ZCCHC17: variants seen among roughly 807,000 people sequenced by gnomAD.
ZCCHC17 encodes the protein zinc finger CCHC domain-containing protein 17.
A neutral mutation model predicts 30.6 loss-of-function variants in ZCCHC17; 18 were observed. The observed-to-expected ratio is 0.59, with a 90% confidence interval of 0.41 to 0.87. The LOEUF (loss-of-function observed/expected upper bound fraction) is 0.87, where lower values mean the gene tolerates loss of function less well. ZCCHC17 is among the 40% of genes least tolerant of loss of function. ZCCHC17 has a pLI of 0.00. For synonymous variants in ZCCHC17, 88 were observed against 92.4 expected, an observed-to-expected ratio of 0.95 and a Z score of 0.27; for missense variants, 263 against 284.2, an observed-to-expected ratio of 0.93 and a Z score of 0.54.
rs139563831 is a variant in ZCCHC17, at chr1:31,336,064, A to G, written c.125-1111A>G. 1.3e-3 allele frequency among the ~76,000 whole-genome samples: 198 copies of G among 151,940 alleles called. 1 individual carries two copies. Among genetic ancestry groups the G allele is most frequent in the African/African-American group, 4.6e-3 (191 of 41,436 alleles). On this transcript the variant is annotated intron_variant, in intron 3 of 7. Transcript: ENST00000344147. The stretch of plus-strand genomic sequence containing the variant: ...CCGCAAGTTATTTATGTATTTATGT[A>G]TGTATGTATGTATTTATTTATTTGT...
chr1:31,326,079 A>G (rs1399189605), intron 3 of ZCCHC17, among the ~76,000 whole-genome samples: 1 of 152,096 alleles, frequency 6.6e-6, no homozygotes, highest in Non-Finnish European at 1.5e-5. Flanking sequence ...TTTGTATAGC[A>G]TCTCTCTTCC....
chr1:31,343,409 T>A (rs1293235544), intron 5 of ZCCHC17, among the ~76,000 whole-genome samples: 3 of 152,182 alleles, frequency 2.0e-5, no homozygotes, highest in Non-Finnish European at 4.4e-5. Context: ...CTCGTCAGAT[T>A]AACCTCCCCA....
At chr1:31,297,885 G>A (rs538785762) in intron 1 of ZCCHC17, among the ~76,000 whole-genome samples, 1 of 152,370 alleles carries the variant, frequency 6.6e-6, no homozygotes, top group South Asian at 2.1e-4. Context: ...CAAAGAGCCA[G>A]TGTGGCTGGT....
chr1:31,306,419 A>G (rs1646459000), intron 1 of ZCCHC17, among the ~76,000 whole-genome samples: 1 of 152,238 alleles, frequency 6.6e-6, no homozygotes, highest in Non-Finnish European at 1.5e-5. Context: ...TGACTAGTGT[A>G]TGCAGCATGG....
intron 7 of ZCCHC17, among the ~76,000 whole-genome samples, chr1:31,350,124 A>C (rs1639420412): frequency 6.6e-6 from 1 of 152,224 alleles, no homozygotes; most frequent in African/African-American, 2.4e-5. Context: ...GTAGCATGCT[A>C]CACAGACAAT....
chr1:31,336,423 T>C (rs190732327), intron 3 of ZCCHC17, among the ~76,000 whole-genome samples: 65 of 152,374 alleles, frequency 4.3e-4, no homozygotes, highest in East Asian at 2.1e-3. Flanking sequence ...TACCAACTTA[T>C]ATTTCTATCA....
chr1:31,319,420 C>A (rs998640097), intron 3 of ZCCHC17, among the ~76,000 whole-genome samples: 1 of 152,178 alleles, frequency 6.6e-6, no homozygotes, highest in Non-Finnish European at 1.5e-5. Flanking sequence ...TTAGACTTCA[C>A]CTGTGACCCT....
rs931963752 is a variant in ZCCHC17 at position 31,299,710 on chromosome 1, A to G, written c.-56+2635A>G. On this transcript the variant is annotated intron_variant, in intron 1 of 7. Coordinates refer to ENST00000344147, the MANE Select transcript of ZCCHC17 (RefSeq NM_016505.4). ...GTGTTGTTCCTGGAAGTTCTGCCAA[A>G]GTCTTTTATTGCAATACATCCCTTA... Among the ~76,000 whole-genome samples the G allele has an allele frequency of 2.6e-5, 4 of 152,312 alleles. No individual in the cohort carries two copies. The East Asian group carries it at 7.7e-4, about 29-fold the overall frequency.
At position 31,364,508 on chromosome 1, in the gene ZCCHC17, G is replaced by T; in HGVS notation, c.*315G>T. 2.9e-6 allele frequency: 1 copy of T among 349,250 alleles called. No homozygotes were observed. 21.6% of individuals were successfully genotyped at this position (349,250 alleles called of 1,614,324 possible). On this transcript the variant is annotated 3_prime_UTR_variant, in exon 8 of 8. Coordinates refer to ENST00000344147, the MANE Select transcript of ZCCHC17 (RefSeq NM_016505.4). ...CTCTCCAGCTGCCACTGCCAGAGCTGGATTCCTGTAAAGGAGTCCAGGCTA... is the reference window on the plus strand; with the variant it reads ...CTCTCCAGCTGCCACTGCCAGAGCTTGATTCCTGTAAAGGAGTCCAGGCTA...
intron 3 of ZCCHC17, among the ~76,000 whole-genome samples, chr1:31,322,514 G>A (rs552517168): frequency 2.0e-5 from 3 of 152,292 alleles, no homozygotes; most frequent in South Asian, 4.1e-4. Flanking sequence ...AAAGTGTTCC[G>A]AGTACAAAGC....
At chr1:31,307,476 C>G (rs1646491549) in intron 1 of ZCCHC17, among the ~76,000 whole-genome samples, 2 of 148,750 alleles carry the variant, frequency 1.3e-5, no homozygotes, top group Admixed American at 6.7e-5. Context: ...GTGGCCCAAT[C>G]TTGGCCCACT....
intron 3 of ZCCHC17, among the ~76,000 whole-genome samples, chr1:31,324,810 C>T (rs564613764): frequency 6.6e-6 from 1 of 151,718 alleles, no homozygotes; most frequent in African/African-American, 2.4e-5. Flanking sequence ...TCATGGACAA[C>T]ATGATTGATG....
intron 3 of ZCCHC17, among the ~76,000 whole-genome samples, chr1:31,321,152 T>C (rs1351399003): frequency 1.3e-5 from 2 of 152,168 alleles, no homozygotes; most frequent in African/African-American, 4.8e-5. Context: ...GTAGTTCTCG[T>C]AATCCCCATG....
intron 3 of ZCCHC17, among the ~76,000 whole-genome samples, chr1:31,327,158 C>G (rs980719942): frequency 6.6e-6 from 1 of 152,214 alleles, no homozygotes; most frequent in African/African-American, 2.4e-5. Context: ...TGACACCAAC[C>G]AACTCCCCAA....
At chr1:31,307,816 C>T (rs1336358455) in intron 1 of ZCCHC17, among the ~76,000 whole-genome samples, 1 of 152,058 alleles carries the variant, frequency 6.6e-6, no homozygotes, top group Admixed American at 6.5e-5. Flanking sequence ...CTCAGATGAT[C>T]CACCCGCCTT....
chr1:31,318,577 C>T lies in ZCCHC17; in HGVS notation c.67-532C>T, dbSNP rs1260938858. Reference sequence around the variant, plus strand: ...TTTATCTAGTTGTCTTGATGAAACCCAAGACTCAGACTTGGAGTTAAATGT... The same window carrying T: ...TTTATCTAGTTGTCTTGATGAAACCTAAGACTCAGACTTGGAGTTAAATGT... On this transcript the variant is annotated intron_variant, in intron 2 of 7. Coordinates refer to ENST00000344147, the MANE Select transcript of ZCCHC17 (RefSeq NM_016505.4). Among the ~76,000 whole-genome samples, 3 of 152,188 alleles carry T rather than the reference C, an allele frequency of 2.0e-5. No individual in the cohort carries two copies. In the East Asian group the frequency reaches 5.8e-4, roughly 29 times the overall value.
intron 5 of ZCCHC17, among the ~76,000 whole-genome samples, chr1:31,345,858 C>T (rs1321225631): frequency 2.6e-5 from 4 of 151,626 alleles, no homozygotes; most frequent in Non-Finnish European, 5.9e-5. Context: ...GAAATCCGAC[C>T]CCATTATCCA....
At chr1:31,323,686 C>T (rs948066584) in intron 3 of ZCCHC17, among the ~76,000 whole-genome samples, 4 of 151,828 alleles carry the variant, frequency 2.6e-5, no homozygotes, top group African/African-American at 7.3e-5. Context: ...TTTTTTTTCA[C>T]ATAGGGCAGC....
chr1:31,322,056 C>G (rs180810998), intron 3 of ZCCHC17, among the ~76,000 whole-genome samples: 117 of 152,234 alleles, frequency 7.7e-4, no homozygotes, highest in African/African-American at 2.7e-3. Flanking sequence ...TTACGTGGAA[C>G]TAAATACATA....
Sources: allele counts gnomAD v4.1 joint callset (sites outside exome capture counted in the v4.1 genomes callset), GRCh38; gene constraint gnomAD v4.1.1; transcripts MANE v1.5; gene names NCBI Gene and HGNC (gene_info 2026-07-23, HGNC 2026-07-21).